The following PLXNA4 variants were observed in gnomAD, a reference collection of about 807,000 sequenced individuals.
The protein encoded by PLXNA4 is plexin-A4.
In PLXNA4, 44 loss-of-function variants were observed where a neutral mutation model predicts 191.8. That is an observed-to-expected ratio of 0.23 (90% CI 0.18 to 0.29). The LOEUF is 0.29. Among genes scored for constraint, PLXNA4 ranks in the 10% least tolerant of loss-of-function variants. The pLI is 1.00. For missense variants in PLXNA4, 1,800 were observed against 2,488.8 expected (o/e 0.72, Z 5.89); for synonymous variants, 1,082 against 1,009.5 (o/e 1.07, Z -1.36).
intron 30 of PLXNA4, among the ~76,000 whole-genome samples, chr7:132,135,886 C>A (rs775138229): frequency 6.6e-6 from 1 of 152,120 alleles, no homozygotes; most frequent in Non-Finnish European, 1.5e-5. Flanking sequence ...AATCAGGGCA[C>A]GTCTGTGGCC....
At chr7:132,408,761 T>A (rs752795319) in intron 3 of PLXNA4, among the ~76,000 whole-genome samples, 8 of 152,134 alleles carry the variant, frequency 5.3e-5, no homozygotes, top group Non-Finnish European at 1.0e-4. Context: ...CCACTGCACC[T>A]GGCTAAAAAC....
At chr7:132,644,321 G>A (rs970632737) in intron 2 of PLXNA4, among the ~76,000 whole-genome samples, 1 of 152,210 alleles carries the variant, frequency 6.6e-6, no homozygotes, top group Non-Finnish European at 1.5e-5. Flanking sequence ...TAAATGGTTA[G>A]CACTCAAGAA....
rs1400480482 is a variant in PLXNA4, at chr7:132,520,196, G to T, written c.-86-11417C>A. ...TGAATCTAGATTGTGGAGAGCCTCAGGAATGCCTGCCAGGGTTGAATTCCA... is the reference window on the plus strand; with the variant it reads ...TGAATCTAGATTGTGGAGAGCCTCATGAATGCCTGCCAGGGTTGAATTCCA... On this transcript the variant is annotated intron_variant, in intron 1 of 31. Transcript: ENST00000321063. Among the ~76,000 whole-genome samples the T allele has an allele frequency of 2.0e-5, 3 of 152,234 alleles. No homozygotes were observed. In the East Asian group the frequency reaches 5.8e-4, roughly 29 times the overall value.
chr7:132,221,614 C>T lies in PLXNA4; in HGVS notation c.2097+1913G>A, dbSNP rs80018803. On this transcript the variant is annotated intron_variant, in intron 9 of 31. Coordinates refer to ENST00000321063, the MANE Select transcript of PLXNA4 (RefSeq NM_020911.2). ...CATGCCCTTGCTGTCTGACTCACCT[C>T]ATTCTTATTACCTTTATATCCATGT... 8.3e-3 allele frequency among the ~76,000 whole-genome samples: 1,266 copies of T among 152,318 alleles called. 8 individuals carry two copies. Among genetic ancestry groups the T allele is most frequent in the Middle Eastern group, 0.041 (12 of 292 alleles).
intron 3 of PLXNA4, among the ~76,000 whole-genome samples, chr7:132,477,972 A>G (rs544242113): frequency 1.3e-5 from 2 of 152,344 alleles, no homozygotes; most frequent in East Asian, 3.9e-4. Flanking sequence ...AGTTTCCTAC[A>G]ATGAATCCAC....
chr7:132,324,109 G>T (rs1802275156), intron 3 of PLXNA4, among the ~76,000 whole-genome samples: 1 of 152,130 alleles, frequency 6.6e-6, no homozygotes, highest in East Asian at 1.9e-4. Context: ...GCAGAGAACT[G>T]CAGACAAGGA....
chr7:132,320,442 C>T (rs1004376004), intron 3 of PLXNA4, among the ~76,000 whole-genome samples: 1 of 152,176 alleles, frequency 6.6e-6, no homozygotes, highest in Non-Finnish European at 1.5e-5. Flanking sequence ...AAAGCCCATC[C>T]TTCATCCTAA....
chr7:132,303,305 T>A (rs1448978340), intron 3 of PLXNA4, among the ~76,000 whole-genome samples: 1 of 151,262 alleles, frequency 6.6e-6, no homozygotes. Flanking sequence ...GTGCTGTTGC[T>A]TAAGCCTGTA....
At chr7:132,299,548 T>C (rs530003883) in intron 3 of PLXNA4, among the ~76,000 whole-genome samples, 1 of 152,310 alleles carries the variant, frequency 6.6e-6, no homozygotes, top group East Asian at 1.9e-4. Flanking sequence ...ATTTTTAAAA[T>C]TTCCTTTTAA....
At chr7:132,273,779 G>T (rs1360878458) in intron 4 of PLXNA4, among the ~76,000 whole-genome samples, 2 of 152,126 alleles carry the variant, frequency 1.3e-5, no homozygotes, top group Non-Finnish European at 2.9e-5. Context: ...ATAAAAAATG[G>T]AAAGAGACAG....
chr7:132,338,021 A>G (rs1322619573), intron 3 of PLXNA4, among the ~76,000 whole-genome samples: 3 of 152,122 alleles, frequency 2.0e-5, no homozygotes, highest in East Asian at 1.9e-4. Flanking sequence ...ACACTCTCAT[A>G]TCTACACTGT....
intron 3 of PLXNA4, among the ~76,000 whole-genome samples, chr7:132,313,786 A>G (rs750786953): frequency 6.6e-6 from 1 of 152,142 alleles, no homozygotes; most frequent in Non-Finnish European, 1.5e-5. Context: ...TGATATCATG[A>G]TATCAAATCA....
At chr7:132,150,784 G>A (rs1439547984) in intron 25 of PLXNA4, among the ~76,000 whole-genome samples, 1 of 152,228 alleles carries the variant, frequency 6.6e-6, no homozygotes, top group Non-Finnish European at 1.5e-5. Context: ...CACATGGCCT[G>A]GCCAACTAGG....
chr7:132,352,063 T>C (rs1394781769), intron 3 of PLXNA4, among the ~76,000 whole-genome samples: 1 of 152,150 alleles, frequency 6.6e-6, no homozygotes, highest in East Asian at 1.9e-4. Context: ...TATCGGCCTT[T>C]AATTGGATTT....
intron 3 of PLXNA4, among the ~76,000 whole-genome samples, chr7:132,313,398 A>C (rs2116595022): frequency 6.6e-6 from 1 of 152,260 alleles, no homozygotes; most frequent in Non-Finnish European, 1.5e-5. Flanking sequence ...GGGAGAGACT[A>C]AAAGTAGGGT....
At chr7:132,493,078 G>A (rs975216470) in intron 2 of PLXNA4, among the ~76,000 whole-genome samples, 8 of 152,170 alleles carry the variant, frequency 5.3e-5, no homozygotes, top group African/African-American at 1.9e-4. Context: ...CAGATGCCAG[G>A]GCTGCCTGGG....
At chr7:132,553,788 G>A (rs2116589213) in intron 1 of PLXNA4, among the ~76,000 whole-genome samples, 1 of 152,252 alleles carries the variant, frequency 6.6e-6, no homozygotes, top group African/African-American at 2.4e-5. Context: ...TGATCTACAT[G>A]GCTATTTGCT....
chr7:132,424,197 G>T (rs1794951886), intron 3 of PLXNA4, among the ~76,000 whole-genome samples: 1 of 152,154 alleles, frequency 6.6e-6, no homozygotes, highest in Non-Finnish European at 1.5e-5. Flanking sequence ...CCAACATCAG[G>T]CCCATGTCTT....
intron 3 of PLXNA4, among the ~76,000 whole-genome samples, chr7:132,400,896 G>A (rs766746617): frequency 5.8e-4 from 89 of 152,280 alleles, no homozygotes; most frequent in Middle Eastern, 3.4e-3. Flanking sequence ...CATTCTGTTC[G>A]TGGAAGAAAA....
Sources: allele counts gnomAD v4.1 joint callset (sites outside exome capture counted in the v4.1 genomes callset), GRCh38; gene constraint gnomAD v4.1.1; transcripts MANE v1.5; gene names NCBI Gene and HGNC (gene_info 2026-07-23, HGNC 2026-07-21).